The following SPATS2 variants were observed in gnomAD, a reference collection of about 807,000 sequenced individuals.
SPATS2 encodes the protein spermatogenesis-associated serine-rich protein 2.
In SPATS2, 38 loss-of-function variants were observed where a neutral mutation model predicts 63.7. The observed-to-expected ratio is 0.60, with a 90% confidence interval of 0.46 to 0.78. The LOEUF (loss-of-function observed/expected upper bound fraction) is 0.78, where lower values mean the gene tolerates loss of function less well. SPATS2 is among the 30% of genes least tolerant of loss of function. SPATS2 has a pLI of 0.00. For missense variants in SPATS2, 588 were observed against 666.2 expected (o/e 0.88, Z 1.29); for synonymous variants, 207 against 232.9 (o/e 0.89, Z 1.01).
Position 49,508,958 on chromosome 12 carries a change from G to A in SPATS2, c.840-5597G>A, listed in dbSNP as rs144018014. ...GTGCACCTGTAGTCCCCACTACTTG[G>A]GAGGCTGAGACAGGAAAATTGCTTG... On this transcript the variant is annotated intron_variant, in intron 9 of 13. Transcript: ENST00000552918. 2.6e-5 allele frequency among the ~76,000 whole-genome samples: 4 copies of A among 152,102 alleles called. No homozygotes were observed. In the East Asian group the frequency reaches 7.8e-4, roughly 30 times the overall value.
chr12:49,403,123 C>A (rs1944635147), intron 2 of SPATS2, among the ~76,000 whole-genome samples: 1 of 152,138 alleles, frequency 6.6e-6, no homozygotes, highest in Non-Finnish European at 1.5e-5. Context: ...AGGGACACAT[C>A]ATGATGACAT....
chr12:49,378,052 C>T (rs1405063188), intron 2 of SPATS2, among the ~76,000 whole-genome samples: 2 of 151,912 alleles, frequency 1.3e-5, no homozygotes, highest in East Asian at 3.9e-4. Flanking sequence ...GGCTCACTGC[C>T]ACCTCCAGCT....
chr12:49,402,788 A>T (rs1249927256), intron 2 of SPATS2, among the ~76,000 whole-genome samples: 2 of 152,182 alleles, frequency 1.3e-5, no homozygotes, highest in Non-Finnish European at 2.9e-5. Flanking sequence ...AGGGGGAATT[A>T]TCTGGAAACA....
intron 11 of SPATS2, among the ~76,000 whole-genome samples, chr12:49,521,900 TG>T (rs1946947493): frequency 1.3e-5 from 2 of 152,150 alleles, no homozygotes; most frequent in Non-Finnish European, 2.9e-5. Context: ...TGCTTCTGGT[TG>T]CTTCCCGAGA....
intron 9 of SPATS2, among the ~76,000 whole-genome samples, chr12:49,504,859 C>T (rs1270969194): frequency 1.3e-5 from 2 of 150,006 alleles, no homozygotes; most frequent in African/African-American, 4.9e-5. Flanking sequence ...GCCTCCCAGG[C>T]TCAAGGGATC....
At chr12:49,414,512 A>G (rs1592373848) in intron 2 of SPATS2, among the ~76,000 whole-genome samples, 1 of 152,146 alleles carries the variant, frequency 6.6e-6, no homozygotes, top group Non-Finnish European at 1.5e-5. Context: ...TTTGCAGAAA[A>G]TGTTTGCTGA....
intron 9 of SPATS2, among the ~76,000 whole-genome samples, chr12:49,506,848 A>G (rs1946662629): frequency 6.6e-6 from 1 of 152,048 alleles, no homozygotes; most frequent in Non-Finnish European, 1.5e-5. Flanking sequence ...AAAAAAAAAA[A>G]AAAAATTTCG....
intron 13 of SPATS2, 117 bp from the exon 14 acceptor site, chr12:49,525,827 T>C (rs1947023341): frequency 8.9e-7 from 1 of 1,122,078 alleles, no homozygotes; most frequent in Admixed American, 2.8e-5. Flanking sequence ...TCTTGAGAGA[T>C]AACTGAGTCC....
chr12:49,493,446 G>A (rs573837924), intron 6 of SPATS2, among the ~76,000 whole-genome samples: 1 of 149,792 alleles, frequency 6.7e-6, no homozygotes, highest in Non-Finnish European at 1.5e-5. Context: ...CTGTTGCCCA[G>A]GCTGGAGTGC....
intron 2 of SPATS2, among the ~76,000 whole-genome samples, chr12:49,379,735 G>T (rs1352964960): frequency 6.8e-6 from 1 of 147,190 alleles, no homozygotes; most frequent in South Asian, 2.2e-4. Context: ...TGATTCTCCT[G>T]TCTGAGCCTC....
At chr12:49,441,288 T>C (rs1278343386) in intron 2 of SPATS2, among the ~76,000 whole-genome samples, 1 of 152,216 alleles carries the variant, frequency 6.6e-6, no homozygotes, top group East Asian at 1.9e-4. Flanking sequence ...TTCTGTTTTT[T>C]AAATCTGCTA....
intron 3 of SPATS2, among the ~76,000 whole-genome samples, chr12:49,471,997 G>A (rs776124194): frequency 7.9e-5 from 12 of 150,968 alleles, no homozygotes; most frequent in Non-Finnish European, 1.8e-4. Context: ...AATTACCCAG[G>A]GCATGGTGGG....
At chr12:49,468,155 GTTTTTTTTTTTCTTTTTTT>G in intron 3 of SPATS2, among the ~76,000 whole-genome samples, 1 of 82,940 alleles carries the variant, frequency 1.2e-5, no homozygotes, top group South Asian at 3.9e-4. Context: ...TTTCTTTCTT[GTTTTTTTTTTTCTTTTTTT>G]TTTTGAAATG....
intron 6 of SPATS2, among the ~76,000 whole-genome samples, chr12:49,493,713 A>C (rs1385724911): frequency 6.6e-6 from 1 of 152,122 alleles, no homozygotes. Flanking sequence ...AATACACTGA[A>C]ACATCTTTAT....
intron 2 of SPATS2, among the ~76,000 whole-genome samples, chr12:49,400,491 T>G (rs1054399085): frequency 6.6e-6 from 1 of 152,150 alleles, no homozygotes; most frequent in Non-Finnish European, 1.5e-5. Context: ...GAGGGAAATA[T>G]TGCTGATGCA....
intron 2 of SPATS2, among the ~76,000 whole-genome samples, chr12:49,384,997 C>T (rs1393698847): frequency 1.3e-5 from 2 of 151,842 alleles, no homozygotes; most frequent in East Asian, 1.9e-4. Flanking sequence ...TTAGTAGAGA[C>T]GGGGTTTCTC....
intron 2 of SPATS2, among the ~76,000 whole-genome samples, chr12:49,381,187 ATCT>A (rs1944213892): frequency 6.6e-6 from 1 of 152,166 alleles, no homozygotes; most frequent in African/African-American, 2.4e-5. Context: ...CCATTCGTAT[ATCT>A]TCTTGGAGAA....
At chr12:49,516,223 G>A (rs56085586) in intron 10 of SPATS2, among the ~76,000 whole-genome samples, 1 of 119,144 alleles carries the variant, frequency 8.4e-6, no homozygotes, top group Non-Finnish European at 1.6e-5. Flanking sequence ...CAGGCATGGG[G>A]TCATGTGCTA....
chr12:49,465,170 A>G (rs531972726), intron 3 of SPATS2, among the ~76,000 whole-genome samples: 1 of 152,348 alleles, frequency 6.6e-6, no homozygotes, highest in Admixed American at 6.5e-5. Context: ...TCAATTATGT[A>G]CATTTGCTTA....
Sources: gnomAD v4.1 joint callset for allele counts (sites outside exome capture counted in the v4.1 genomes callset) on GRCh38, gnomAD v4.1.1 for gene constraint, MANE v1.5 for transcripts, NCBI Gene and HGNC (gene_info 2026-07-23, HGNC 2026-07-21) for gene names.